CDH18: variants seen among roughly 807,000 people sequenced by gnomAD.
CDH18 encodes cadherin-18.
CDH18 carries 31 observed loss-of-function variants against 67.9 expected under a neutral mutation model. The ratio of observed to expected loss-of-function variants is 0.46; its 90% CI spans 0.34 to 0.62. CDH18 has a LOEUF of 0.62. Among genes scored for constraint, CDH18 ranks in the 20% least tolerant of loss-of-function variants. The pLI is 0.01. For synonymous variants in CDH18, 362 were observed against 347.2 expected, an observed-to-expected ratio of 1.04 and a Z score of -0.48; for missense variants, 890 against 975.5, an observed-to-expected ratio of 0.91 and a Z score of 1.17.
chr5:19,676,964 G>A (rs1302516946), intron 5 of CDH18, among the ~76,000 whole-genome samples: 3 of 151,918 alleles, frequency 2.0e-5, no homozygotes, highest in Non-Finnish European at 4.4e-5. Flanking sequence ...AACTTCCCTT[G>A]GTCTCTTTTT....
In CDH18 at chr5:19,685,560, T is replaced by C. The variant is rs141053533; in HGVS notation, c.643+35787A>G. 5.1e-3 allele frequency among the ~76,000 whole-genome samples: 779 copies of C among 152,270 alleles called. 8 individuals are homozygous for C. Among genetic ancestry groups the C allele is most frequent in the African/African-American group, 0.018 (749 of 41,552 alleles). On this transcript the variant is annotated intron_variant, in intron 5 of 12. Coordinates refer to ENST00000382275, the MANE Select transcript of CDH18 (RefSeq NM_004934.5). ...GGGAAAATATTAGTTGCCAGGATTT[T>C]TTCCCCATCTCTTTGTGCTTTGGGT...
intron 1 of CDH18, among the ~76,000 whole-genome samples, chr5:20,543,310 AT>A (rs1368427527): frequency 6.6e-6 from 1 of 151,910 alleles, no homozygotes; most frequent in Non-Finnish European, 1.5e-5. Context: ...ATATTTTTCT[AT>A]TTTTTCTCAT....
At chr5:20,189,347 T>A (rs527945110) in intron 2 of CDH18, among the ~76,000 whole-genome samples, 1 of 152,124 alleles carries the variant, frequency 6.6e-6, no homozygotes, top group African/African-American at 2.4e-5. Flanking sequence ...TGTCTATCTA[T>A]CCATCGTGTG....
chr5:20,186,544 C>T (rs1454721890), intron 2 of CDH18, among the ~76,000 whole-genome samples: 2 of 151,832 alleles, frequency 1.3e-5, no homozygotes, highest in African/African-American at 4.8e-5. Context: ...GGCCAATAAA[C>T]ACATGGAAAG....
intron 4 of CDH18, among the ~76,000 whole-genome samples, chr5:19,737,557 C>T (rs1768509752): frequency 1.3e-5 from 2 of 152,052 alleles, no homozygotes; most frequent in Admixed American, 6.5e-5. Context: ...TGCCTGATCA[C>T]TGAACATTCA....
Position 19,648,414 on chromosome 5 carries a change from CAATAAATA to C in CDH18, c.644-35821_644-35814del, listed in dbSNP as rs550271325. 5.1e-4 allele frequency among the ~76,000 whole-genome samples: 77 copies of C among 151,654 alleles called. No individual in the cohort carries two copies. The South Asian group carries it at 0.015, about 30-fold the overall frequency. On this transcript the variant is annotated intron_variant, in intron 5 of 12. Transcript: ENST00000382275. ...TGGGCAACAGAGCACAATTTGGTCTCAATAAATAAATAAATAAAATAATAATAATAAAG... is the reference window on the plus strand; with the variant it reads ...TGGGCAACAGAGCACAATTTGGTCTCAATAAATAAAATAATAATAATAAAG...
intron 2 of CDH18, among the ~76,000 whole-genome samples, chr5:20,095,340 AAAGAAAGAAAGAAAG>A (rs1419042054): frequency 3.0e-5 from 3 of 100,076 alleles, no homozygotes; most frequent in African/African-American, 6.5e-5. Context: ...AGAAAGAAAG[AAAGAAAGAAAGAAAG>A]AAAGAAAAGA....
rs544788058 is a variant in CDH18, at chr5:20,551,327, T to C, written c.-580+24135A>G. Among the ~76,000 whole-genome samples, 37 of 152,274 alleles carry C rather than the reference T, an allele frequency of 2.4e-4. No individual in the cohort carries two copies. In the South Asian group the frequency reaches 6.8e-3, roughly 28 times the overall value. On this transcript the variant is annotated intron_variant, in intron 1 of 14. Transcript: ENST00000507958. ...TTTGGTGTTTAATCAGCTCCTGACT[T>C]TTACAGTGGTGTCAAATTCCACTGA... is the stretch of plus-strand genomic sequence containing the variant.
intron 2 of CDH18, among the ~76,000 whole-genome samples, chr5:20,065,889 A>T (rs1162281621): frequency 6.6e-6 from 1 of 152,020 alleles, no homozygotes; most frequent in African/African-American, 2.4e-5. Flanking sequence ...TAATATCATA[A>T]AGGCAATCCT....
At chr5:20,059,356 T>C (rs573066173) in intron 2 of CDH18, among the ~76,000 whole-genome samples, 1 of 152,320 alleles carries the variant, frequency 6.6e-6, no homozygotes, top group African/African-American at 2.4e-5. Context: ...CTGTTATTTC[T>C]TGTCTTGTGC....
intron 6 of CDH18, among the ~76,000 whole-genome samples, chr5:19,611,055 A>G (rs1383347337): frequency 1.3e-5 from 2 of 152,160 alleles, no homozygotes; most frequent in African/African-American, 2.4e-5. Context: ...AAATTCAACT[A>G]ATTTACTCAC....
chr5:20,188,534 C>T (rs1049424748), intron 2 of CDH18, among the ~76,000 whole-genome samples: 1 of 151,872 alleles, frequency 6.6e-6, no homozygotes, highest in African/African-American at 2.4e-5. Flanking sequence ...AACCACTTAC[C>T]TTGTGTCAAG....
chr5:19,598,614 G>GA (rs1468432295), intron 6 of CDH18, among the ~76,000 whole-genome samples: 1 of 152,022 alleles, frequency 6.6e-6, no homozygotes, highest in Admixed American at 6.5e-5. Context: ...AATAAGAAAT[G>GA]AAAAAACTAA....
At chr5:20,275,553 G>A (rs1044732786) in intron 1 of CDH18, among the ~76,000 whole-genome samples, 2 of 152,122 alleles carry the variant, frequency 1.3e-5, no homozygotes, top group African/African-American at 4.8e-5. Context: ...CACAAGCAAT[G>A]CTTTATGGCA....
At chr5:19,557,630 T>C (rs1287812136) in intron 8 of CDH18, among the ~76,000 whole-genome samples, 2 of 151,972 alleles carry the variant, frequency 1.3e-5, no homozygotes, top group African/African-American at 4.8e-5. Context: ...GATCCCAAAT[T>C]TGTTAAATAT....
intron 1 of CDH18, among the ~76,000 whole-genome samples, chr5:20,288,621 A>T (rs1037793227): frequency 6.6e-6 from 1 of 151,844 alleles, no homozygotes; most frequent in Non-Finnish European, 1.5e-5. Flanking sequence ...ACAAATAAAG[A>T]ACAAACCATC....
At chr5:19,859,686 G>A (rs1487031296) in intron 2 of CDH18, among the ~76,000 whole-genome samples, 2 of 152,062 alleles carry the variant, frequency 1.3e-5, no homozygotes, top group African/African-American at 4.8e-5. Context: ...AATCTGCTTA[G>A]GACCAGGAAG....
At chr5:19,719,078 C>A (rs1363594908) in intron 5 of CDH18, among the ~76,000 whole-genome samples, 6 of 151,978 alleles carry the variant, frequency 3.9e-5, no homozygotes, top group African/African-American at 1.4e-4. Context: ...TATTTACTCA[C>A]ACAACATATG....
intron 6 of CDH18, among the ~76,000 whole-genome samples, chr5:19,598,862 C>G (rs1166252681): frequency 6.6e-6 from 1 of 152,060 alleles, no homozygotes; most frequent in Non-Finnish European, 1.5e-5. Context: ...CTTTTAGAAT[C>G]TGGTTGTCCA....
Sources: gnomAD v4.1 joint callset for allele counts (sites outside exome capture counted in the v4.1 genomes callset) on GRCh38, gnomAD v4.1.1 for gene constraint, MANE v1.5 for transcripts, NCBI Gene and HGNC (gene_info 2026-07-23, HGNC 2026-07-21) for gene names.